UBA6: variants seen among roughly 807,000 people sequenced by gnomAD.
UBA6 encodes the protein ubiquitin-like modifier-activating enzyme 6.
In UBA6, 87 loss-of-function variants were observed where a neutral mutation model predicts 148.3. That is an observed-to-expected ratio of 0.59 (90% confidence interval 0.49 to 0.70). The LOEUF (loss-of-function observed/expected upper bound fraction) is 0.70, where lower values mean the gene tolerates loss of function less well. Ranked by LOEUF, UBA6 falls within the 30% of genes least tolerant of loss-of-function variation. UBA6 has a pLI of 0.00. For missense variants in UBA6, 1,186 were observed against 1,241.2 expected (o/e 0.96, Z 0.67); for synonymous variants, 376 against 401.0 (o/e 0.94, Z 0.75).
chr4:67,622,660 G>T (rs754384632), intron 32 of UBA6, among the ~76,000 whole-genome samples, 171 bp downstream of exon 32: 1 of 152,158 alleles, frequency 6.6e-6, no homozygotes, highest in Non-Finnish European at 1.5e-5. Flanking sequence ...TGAATCTCTC[G>T]AGAGGTAGCC....
At chr4:67,637,288 G>A (rs1192487229) in intron 19 of UBA6, among the ~76,000 whole-genome samples, 28 of 149,894 alleles carry the variant, frequency 1.9e-4, no homozygotes, top group South Asian at 8.5e-4. Context: ...GCCCCTGCCC[G>A]GCCAGCCGCC....
At chr4:67,640,067 C>G (rs1729266560) in intron 18 of UBA6, among the ~76,000 whole-genome samples, 1 of 152,178 alleles carries the variant, frequency 6.6e-6, no homozygotes, top group African/African-American at 2.4e-5. Context: ...TCTGCATTTG[C>G]TTTGGCATTA....
Position 67,616,210 on chromosome 4 carries a change from A to T in UBA6, c.*2787T>A. ...CAGATTATATGTTTTTGAATCTATG[A>T]AAAGTAAAATCGCTAAATCCATACA... is the stretch of plus-strand genomic sequence containing the variant. On this transcript the variant is annotated 3_prime_UTR_variant, in exon 33 of 33. Coordinates refer to ENST00000322244, the MANE Select transcript of UBA6 (RefSeq NM_018227.6). 7.6e-6 allele frequency: 3 copies of T among 396,452 alleles called. No individual in the cohort carries two copies. Among genetic ancestry groups the T allele is most frequent in the Non-Finnish European group, 1.3e-5 (3 of 224,718 alleles). 24.6% of individuals were successfully genotyped at this position (396,452 alleles called of 1,614,324 possible).
intron 7 of UBA6, among the ~76,000 whole-genome samples, chr4:67,671,098 G>C (rs1730137841): frequency 6.6e-6 from 1 of 152,066 alleles, no homozygotes; most frequent in African/African-American, 2.4e-5. Flanking sequence ...GCCATGAAAG[G>C]TAAAACATTA....
chr4:67,656,108 T>C (rs1729683611), intron 13 of UBA6, among the ~76,000 whole-genome samples: 1 of 152,074 alleles, frequency 6.6e-6, no homozygotes, highest in Non-Finnish European at 1.5e-5. Context: ...CTACCAGAGG[T>C]ACAAGGAGGA....
intron 17 of UBA6, among the ~76,000 whole-genome samples, 164 bp from the exon 18 acceptor site, chr4:67,641,392 T>C (rs923486441): frequency 3.3e-5 from 5 of 152,308 alleles, no homozygotes; most frequent in African/African-American, 1.2e-4. Flanking sequence ...AATACTACTC[T>C]TTTATGTTTT....
intron 2 of UBA6, among the ~76,000 whole-genome samples, chr4:67,684,859 G>A (rs1269361687): frequency 6.6e-6 from 1 of 152,034 alleles, no homozygotes; most frequent in Non-Finnish European, 1.5e-5. Flanking sequence ...TGTTTTAAGT[G>A]TTTTACTTGT....
At chr4:67,659,650 G>GGAATATATAAAATA (rs368730151) in intron 13 of UBA6, among the ~76,000 whole-genome samples, 34 of 151,438 alleles carry the variant, frequency 2.2e-4, no homozygotes, top group Admixed American at 3.9e-4. Context: ...ATTTTATATA[G>GGAATATATAAAATA]CATATGCAGT....
intron 2 of UBA6, among the ~76,000 whole-genome samples, chr4:67,690,882 G>C (rs1730679170): frequency 6.6e-6 from 1 of 152,128 alleles, no homozygotes; most frequent in South Asian, 2.1e-4. Context: ...ATGGAAAACA[G>C]TATGAAGCTT....
At chr4:67,682,091 A>AT in intron 3 of UBA6, 28 bp downstream of exon 3, 1 of 1,538,012 alleles carries the variant, frequency 6.5e-7, no homozygotes, top group Non-Finnish European at 9.0e-7. Flanking sequence ...CAAAAGTGTC[A>AT]AAAATTAGGA....
At position 67,701,130 on chromosome 4, in the gene UBA6, G is replaced by C. The variant is rs759161462; in HGVS notation, c.-11C>G. On this transcript the variant is annotated 5_prime_UTR_variant, in exon 1 of 33. Coordinates refer to ENST00000322244, the MANE Select transcript of UBA6 (RefSeq NM_018227.6). ...CTCGGATCCTTCCATTGCCGCCTGAGACACCGCCGCCGGCTACTGGAAGGT... is the reference window on the plus strand; with the variant it reads ...CTCGGATCCTTCCATTGCCGCCTGACACACCGCCGCCGGCTACTGGAAGGT... 6.2e-7 allele frequency: 1 copy of C among 1,611,634 alleles called. No individual in the cohort carries two copies. The highest frequency in any genetic ancestry group is 8.5e-7 in the Non-Finnish European group (1 of 1,179,652).
In UBA6 at chr4:67,625,107, T is replaced by G. The variant is rs1577787873; in HGVS notation, c.2599A>C (p.Asn867His). 6.2e-7 allele frequency: 1 copy of G among 1,613,532 alleles called. No individual in the cohort carries two copies. The highest frequency in any genetic ancestry group is 1.1e-5 in the South Asian group (1 of 91,036). Residue 867 changes from asparagine to histidine, a missense_variant, in exon 29 of 33, where the codon AAT (asparagine) becomes CAT (histidine). By Grantham distance (68) the Asn-to-His change is moderately conservative. Transcript: ENST00000322244. The part of the protein sequence containing the change: ...GHIDFITAAS[N>H]LRAKMYSIEP... The stretch of plus-strand genomic sequence containing the variant: ...ATGCTGTACATTTTGGCACGAAGAT[T>G]TGATGCAGCTGTGATGAAATCTATG...
intron 1 of UBA6, among the ~76,000 whole-genome samples, chr4:67,699,693 C>A (rs1304929383): frequency 1.3e-5 from 2 of 152,180 alleles, no homozygotes; most frequent in Non-Finnish European, 2.9e-5. Flanking sequence ...CTCGATCTCT[C>A]TAGACTCAAG....
chr4:67,650,007 G>T (rs1729515403), intron 13 of UBA6, among the ~76,000 whole-genome samples: 1 of 152,030 alleles, frequency 6.6e-6, no homozygotes, highest in Admixed American at 6.6e-5. Flanking sequence ...AAATATTTGT[G>T]ACACAAAATG....
chr4:67,671,891 G>C (rs1250699244), intron 7 of UBA6, among the ~76,000 whole-genome samples: 2 of 152,054 alleles, frequency 1.3e-5, no homozygotes, highest in African/African-American at 4.8e-5. Context: ...AATTATGCTG[G>C]AGGTTTAAAA....
At chr4:67,649,036 A>T in intron 14 of UBA6, 32 bp downstream of exon 14, 1 of 1,598,694 alleles carries the variant, frequency 6.3e-7, no homozygotes, top group Non-Finnish European at 8.5e-7. Context: ...TTTCACGAGT[A>T]AAGAATTCAA....
intron 14 of UBA6, among the ~76,000 whole-genome samples, chr4:67,647,406 A>T (rs112089844): frequency 0.12 from 18,624 of 152,094 alleles, 1,293 homozygotes; most frequent in South Asian, 0.21. Flanking sequence ...TCGGCCTCCC[A>T]AAGTGCTGGT....
At chr4:67,655,166 G>C (rs1729655289) in intron 13 of UBA6, among the ~76,000 whole-genome samples, 2 of 152,176 alleles carry the variant, frequency 1.3e-5, no homozygotes, top group Admixed American at 1.3e-4. Context: ...TCCAGGACTT[G>C]AACTCAGCTC....
At chr4:67,677,202 C>A (rs1730302238) in intron 6 of UBA6, among the ~76,000 whole-genome samples, 1 of 152,174 alleles carries the variant, frequency 6.6e-6, no homozygotes, top group Non-Finnish European at 1.5e-5. Context: ...TCTCCTACTA[C>A]CATGAGAACA....
Sources: allele counts gnomAD v4.1 joint callset (sites outside exome capture counted in the v4.1 genomes callset), GRCh38; gene constraint gnomAD v4.1.1; transcripts MANE v1.5; gene names NCBI Gene and HGNC (gene_info 2026-07-23, HGNC 2026-07-21).